Variants in OTOG observed in about 807,000 individuals in gnomAD.
OTOG encodes the protein otogelin.
OTOG carries 296 observed loss-of-function variants against 313.8 expected under a neutral mutation model. The observed-to-expected ratio is 0.94, with a 90% CI of 0.86 to 1.04. The LOEUF is 1.04. OTOG is among the 50% of genes least tolerant of loss of function. The pLI, the probability that OTOG is intolerant of heterozygous loss-of-function variation, is 0.00. For synonymous variants in OTOG, 1,533 were observed against 1,554.9 expected (o/e 0.99, Z 0.33); for missense variants, 3,948 against 3,840.1 (o/e 1.03, Z -0.74).
intron 48 of OTOG, 163 bp downstream of exon 48, chr11:17,638,712 C>T (rs1484967384): frequency 6.5e-7 from 1 of 1,537,164 alleles, no homozygotes; most frequent in Admixed American, 2.0e-5. Context: ...CATCCGCACT[C>T]CAAGTGCTGA....
In OTOG at chr11:17,639,477, CCTCCCCCAACACTCCCTGGTCTG is replaced by C. The variant is rs1402270567; in HGVS notation, c.7935+21_7935+43del. The C allele has an allele frequency of 3.0e-5, 47 of 1,550,234 alleles. No individual in the cohort carries two copies. Among genetic ancestry groups the C allele is most frequent in the Non-Finnish European group, 3.7e-5 (43 of 1,146,704 alleles). On this transcript the variant is annotated intron_variant, in intron 49 of 55. Coordinates refer to ENST00000399397, the MANE Select transcript of OTOG (RefSeq NM_001292063.2). ...CGGTGCCATCTGGTATGGAGACGCT[CCTCCCCCAACACTCCCTGGTCTG>C]CTCCCCTTTCCTTTCCTCTCTATCC...
At chr11:17,593,789 C>T (rs540127546) in intron 27 of OTOG, 33 bp downstream of exon 27, 62 of 1,542,574 alleles carry the variant, frequency 4.0e-5, no homozygotes, top group East Asian at 2.5e-4. Context: ...TCTGCTCCTG[C>T]CTGGGGCTAA....
chr11:17,612,643 C>A lies in OTOG; in HGVS notation c.6316C>A (p.Leu2106Met), dbSNP rs1422798008. 1 of 1,550,646 alleles carries A rather than the reference C, an allele frequency of 6.4e-7. No individual in the cohort carries two copies. The highest frequency in any genetic ancestry group is 8.7e-7 in the Non-Finnish European group (1 of 1,146,972). The change falls in exon 38 of 56, where the codon CTG (leucine) becomes ATG (methionine). Residue 2106 changes from leucine (L) to methionine (M), a missense_variant. Physicochemically the swap from Leu to Met is conservative, Grantham distance 15. Transcript: ENST00000399397. ...AGGCCGGTGCTCAATCTTCCCTGACCTGAGCTTCGTGACCTTCGATGGGAG... is the reference window on the plus strand; with the variant it reads ...AGGCCGGTGCTCAATCTTCCCTGACATGAGCTTCGTGACCTTCGATGGGAG... ...CACRCSIFPD[L>M]SFVTFDGSHV...
chr11:17,595,866 G>C (rs981028137), intron 28 of OTOG, among the ~76,000 whole-genome samples, 172 bp from the exon 29 acceptor site: 1 of 152,204 alleles, frequency 6.6e-6, no homozygotes, highest in African/African-American at 2.4e-5. Context: ...GCCATATTCT[G>C]TTGGTTTGAG....
chr11:17,638,731 A>G (rs999875769), intron 48 of OTOG, 182 bp downstream of exon 48: 13 of 1,545,668 alleles, frequency 8.4e-6, no homozygotes, highest in African/African-American at 1.4e-5. Context: ...GAGCATTCCT[A>G]CAGCCTTTTC....
chr11:17,576,415 T>A (rs1478236097), intron 20 of OTOG, 141 bp from the exon 21 acceptor site: 2 of 683,508 alleles, frequency 2.9e-6, no homozygotes, highest in Non-Finnish European at 5.2e-6. Flanking sequence ...ACTGGAGATG[T>A]GTCACATGTC....
chr11:17,556,983 G>A, intron 7 of OTOG, 135 bp from the exon 8 acceptor site: 1 of 817,044 alleles, frequency 1.2e-6, no homozygotes, highest in Non-Finnish European at 1.9e-6. Context: ...CAGGCACCTG[G>A]GAATTCTGGG....
rs563702083 is a variant in OTOG, at chr11:17,599,634, G to A, written c.3683-37G>A. On this transcript the variant is annotated intron_variant, in intron 30 of 55. Transcript: ENST00000399397. ...TCTGTCTGTCTGTTCCAGGCTCTGGGCTGGCTCTCAGGAAGTTCCTGTTCT... is the reference window on the plus strand; with the variant it reads ...TCTGTCTGTCTGTTCCAGGCTCTGGACTGGCTCTCAGGAAGTTCCTGTTCT... 56 of 1,550,224 alleles carry A rather than the reference G, an allele frequency of 3.6e-5. No homozygotes were observed. The African/African-American group carries it at 6.3e-4, about 17-fold the overall frequency.
At chr11:17,555,263 C>A (rs944812609) in intron 6 of OTOG, among the ~76,000 whole-genome samples, 1 of 149,594 alleles carries the variant, frequency 6.7e-6, no homozygotes, top group Non-Finnish European at 1.5e-5. Context: ...AGATGTGTGC[C>A]GATGGGTGTA....
intron 38 of OTOG, among the ~76,000 whole-genome samples, chr11:17,613,226 TC>T (rs1853626570): frequency 7.2e-6 from 1 of 138,034 alleles, no homozygotes; most frequent in African/African-American, 2.9e-5. Context: ...TTTCTTTCTT[TC>T]TTTCTTTCTT....
At position 17,641,959 on chromosome 11, in the gene OTOG, G is replaced by A; in HGVS notation, c.8295+8G>A. 6.5e-6 allele frequency: 10 copies of A among 1,549,124 alleles called. No homozygotes were observed. Among genetic ancestry groups the A allele is most frequent in the Non-Finnish European group, 8.7e-6 (10 of 1,146,148 alleles). ...ACCACCTCCCTGTTCTTGGTAAGCA[G>A]CCCCCTCGCTGCCCACTTAGGAGGG... On this transcript the variant is annotated splice_region_variant and intron_variant, in intron 52 of 55. Transcript: ENST00000399397.
At chr11:17,591,646 G>T in intron 25 of OTOG, 58 bp downstream of exon 25, 1 of 1,536,686 alleles carries the variant, frequency 6.5e-7, no homozygotes, top group Non-Finnish European at 8.8e-7. Flanking sequence ...AGGGCACTCT[G>T]GTGCTCTGGA....
intron 54 of OTOG, among the ~76,000 whole-genome samples, chr11:17,644,304 C>T (rs928480107): frequency 2.6e-5 from 4 of 152,390 alleles, no homozygotes; most frequent in African/African-American, 9.6e-5. Flanking sequence ...GTTCTCCTGC[C>T]TCCTGGAGCA....
At chr11:17,604,118 G>A (rs1026690447) in intron 32 of OTOG, among the ~76,000 whole-genome samples, 5 of 152,194 alleles carry the variant, frequency 3.3e-5, no homozygotes, top group Admixed American at 6.5e-5. Context: ...GGCGCCAGCC[G>A]TTTGGCTCCA....
rs1365839512 is a variant in OTOG, at chr11:17,611,009, A to C, written c.5709A>C (p.Arg1903=). The C allele has an allele frequency of 6.4e-7, 1 of 1,550,392 alleles. No individual in the cohort carries two copies. The highest frequency in any genetic ancestry group is 8.7e-7 in the Non-Finnish European group (1 of 1,147,012). The change falls in exon 36 of 56, where the codon CGA becomes CGC. Residue 1903 remains arginine, a synonymous_variant. Transcript: ENST00000399397. ...GTASMVSVVP[R]KSTTGKVAIL... The stretch of plus-strand genomic sequence containing the variant: ...CCTCCATGGTATCTGTTGTCCCACG[A>C]AAGAGCACCACAGGGAAGGTGGCCA...
At position 17,594,182 on chromosome 11, in the gene OTOG, C is replaced by G; in HGVS notation, c.3408+16C>G. 1 of 1,550,628 alleles carries G rather than the reference C, an allele frequency of 6.4e-7. No homozygotes were observed. The highest frequency in any genetic ancestry group is 8.7e-7 in the Non-Finnish European group (1 of 1,146,986). On this transcript the variant is annotated intron_variant, in intron 28 of 55. Coordinates refer to ENST00000399397, the MANE Select transcript of OTOG (RefSeq NM_001292063.2). ...TGCAGTTGAGGTAAAGCCTCTCTTC[C>G]AGGCTGGCTTATGCCCCTCACTCAG...
rs1310189611 is a variant in OTOG, at chr11:17,574,810, G to C, written c.2384G>C (p.Gly795Ala). The change falls in exon 20 of 56, where the codon GGG becomes GCG. Residue 795 changes from glycine (G) to alanine (A), a missense_variant. By Grantham distance (60) the Gly-to-Ala change is moderately conservative (BLOSUM62 0). Coordinates refer to ENST00000399397, the MANE Select transcript of OTOG (RefSeq NM_001292063.2). ...GACCTGGCCAGCCCTGAGGCCTGTG[G>C]GGTTGATGGTGGCGATGACCTGAGC... The part of the protein sequence containing the change: ...CQDLASPEAC[G>A]VDGGDDLSRD... The C allele has an allele frequency of 5.2e-6, 8 of 1,550,604 alleles. No individual in the cohort carries two copies. Among genetic ancestry groups the C allele is most frequent in the Admixed American group, 3.9e-5 (2 of 50,984 alleles).
intron 33 of OTOG, among the ~76,000 whole-genome samples, chr11:17,607,582 G>A (rs1196352573): frequency 1.3e-5 from 2 of 152,232 alleles, no homozygotes; most frequent in Admixed American, 6.5e-5. Context: ...GAGTAAATCC[G>A]TGTGAGATAT....
At chr11:17,608,222 G>C in intron 33 of OTOG, 74 bp from the exon 34 acceptor site, 1 of 1,010,922 alleles carries the variant, frequency 9.9e-7, no homozygotes, top group Non-Finnish European at 1.4e-6. Context: ...ACAGGATGGG[G>C]GGCAGGGCTG....
Sources: gnomAD v4.1 joint callset for allele counts (sites outside exome capture counted in the v4.1 genomes callset) on GRCh38, gnomAD v4.1.1 for gene constraint, MANE v1.5 for transcripts, NCBI Gene and HGNC (gene_info 2026-07-23, HGNC 2026-07-21) for gene names.